The following ERICH6B variants were observed in gnomAD, a reference collection of about 807,000 sequenced individuals.
ERICH6B encodes glutamate rich 6B, also known as glutamate-rich protein 6B.
In ERICH6B, 69 loss-of-function variants were observed where a neutral mutation model predicts 80.0. The ratio of observed to expected loss-of-function variants is 0.86; its 90% CI spans 0.71 to 1.05. The LOEUF is 1.05. ERICH6B is among the 50% of genes least tolerant of loss of function. The pLI, the probability that ERICH6B is intolerant of heterozygous loss-of-function variation, is 0.00. For missense variants in ERICH6B, 754 were observed against 796.1 expected (o/e 0.95, Z 0.64); for synonymous variants, 283 against 291.9 (o/e 0.97, Z 0.31).
At chr13:45,608,207 C>A (rs1949880546) in intron 1 of ERICH6B, among the ~76,000 whole-genome samples, 1 of 152,112 alleles carries the variant, frequency 6.6e-6, no homozygotes, top group Non-Finnish European at 1.5e-5. Context: ...ATATTTTCCT[C>A]CAAAATACTG....
chr13:45,541,431 G>A lies in ERICH6B; in HGVS notation c.*31C>T, dbSNP rs965604241. 2.6e-6 allele frequency: 4 copies of A among 1,539,520 alleles called. No homozygotes were observed. Among genetic ancestry groups the A allele is most frequent in the Non-Finnish European group, 2.6e-6 (3 of 1,136,616 alleles). ...GCTCCCAAGGTCTCCAACTTCCTAA[G>A]GCATTTGGTGGATGCCAGATAAGCC... On this transcript the variant is annotated 3_prime_UTR_variant, in exon 15 of 15. Transcript: ENST00000298738.
At chr13:45,584,474 A>T (rs998527770) in intron 5 of ERICH6B, among the ~76,000 whole-genome samples, 12 of 152,212 alleles carry the variant, frequency 7.9e-5, no homozygotes, top group African/African-American at 2.9e-4. Context: ...GAACAATTCC[A>T]TAATAAAATC....
At chr13:45,587,864 G>A (rs1038366871) in intron 4 of ERICH6B, among the ~76,000 whole-genome samples, 8 of 152,152 alleles carry the variant, frequency 5.3e-5, no homozygotes, top group Non-Finnish European at 1.2e-4. Context: ...TGAATGAGAG[G>A]GGTCCTTGGG....
chr13:45,600,133 G>GC (rs1443384973), intron 2 of ERICH6B, among the ~76,000 whole-genome samples: 1 of 152,066 alleles, frequency 6.6e-6, no homozygotes, highest in African/African-American at 2.4e-5. Flanking sequence ...TGTAAAGGAG[G>GC]CCCCTTCAGC....
chr13:45,573,621 G>C (rs1378776940), intron 8 of ERICH6B, among the ~76,000 whole-genome samples: 2 of 152,194 alleles, frequency 1.3e-5, no homozygotes, highest in African/African-American at 2.4e-5. Context: ...TAGTAGCAAA[G>C]TCCTGGAATG....
At chr13:45,546,288 C>T (rs1196880385) in intron 13 of ERICH6B, among the ~76,000 whole-genome samples, 2 of 152,130 alleles carry the variant, frequency 1.3e-5, no homozygotes, top group Non-Finnish European at 2.9e-5. Context: ...AAGGGCAGTT[C>T]CTAGAATCAG....
chr13:45,563,740 C>T lies in ERICH6B; in HGVS notation c.1236G>A (p.Lys412=). The T allele has an allele frequency of 6.4e-7, 1 of 1,552,318 alleles. No individual in the cohort carries two copies. The highest frequency in any genetic ancestry group is 2.0e-5 in the Admixed American group (1 of 51,018). The change falls in exon 10 of 15, where the codon AAG becomes AAA. Residue 412 remains lysine (K), a synonymous_variant. Coordinates refer to ENST00000298738, the MANE Select transcript of ERICH6B (RefSeq NM_182542.3). ...EKFKETILRI[K]RRREAQKLTE... is the part of the protein sequence containing the mutation. ...AGTGGTGCCTACCTTCACGTCTCCT[C>T]TTAATCCGTAAGATTGTTTCCTTGA...
intron 8 of ERICH6B, 44 bp from the exon 9 acceptor site, chr13:45,568,495 A>T: frequency 6.9e-7 from 1 of 1,449,670 alleles, no homozygotes; most frequent in Non-Finnish European, 9.1e-7. Flanking sequence ...AATGGAAATT[A>T]ATGATTTGTT....
intron 13 of ERICH6B, among the ~76,000 whole-genome samples, chr13:45,549,091 C>G (rs1483498464): frequency 6.6e-6 from 1 of 152,098 alleles, no homozygotes; most frequent in Non-Finnish European, 1.5e-5. Flanking sequence ...CGAGATCAAC[C>G]TGGCCAACAT....
chr13:45,574,811 G>A (rs181916175), intron 8 of ERICH6B, 31 bp downstream of exon 8: 35 of 1,487,456 alleles, frequency 2.4e-5, no homozygotes, highest in Middle Eastern at 1.7e-4. Context: ...AGGAAGCTGG[G>A]GGGGGGGTCT....
intron 11 of ERICH6B, chr13:45,552,981 G>T: frequency 5.6e-6 from 1 of 179,294 alleles, no homozygotes. Context: ...ATTTCCGTAA[G>T]CAATGTTCTG....
At chr13:45,594,104 G>A (rs992233766) in intron 3 of ERICH6B, among the ~76,000 whole-genome samples, 3 of 152,060 alleles carry the variant, frequency 2.0e-5, no homozygotes, top group Non-Finnish European at 2.9e-5. Flanking sequence ...ATATCTTAAG[G>A]GTATTAGGAG....
intron 13 of ERICH6B, among the ~76,000 whole-genome samples, chr13:45,546,977 T>C (rs1003295796): frequency 6.6e-6 from 1 of 152,166 alleles, no homozygotes; most frequent in African/African-American, 2.4e-5. Context: ...CCTCCTTCTC[T>C]AAGTAAGAGG....
In ERICH6B at chr13:45,561,468, A is replaced by G; in HGVS notation, c.1308T>C (p.Pro436=). 6.4e-7 allele frequency: 1 copy of G among 1,552,042 alleles called. No individual in the cohort carries two copies. Among genetic ancestry groups the G allele is most frequent in the South Asian group, 1.2e-5 (1 of 84,064 alleles). ...GGATTTCTTCTGTCTCAGGCTTCTC[A>G]GGTGTTGGTTTGCTCATTAAATGAA... ...FTFHLMSKPT[P]EKPETEEIQK... Residue 436 remains proline (P), a synonymous_variant, in exon 11 of 15, where the codon CCT becomes CCC. Coordinates refer to ENST00000298738, the MANE Select transcript of ERICH6B (RefSeq NM_182542.3).
intron 5 of ERICH6B, among the ~76,000 whole-genome samples, chr13:45,582,350 T>C (rs781059721): frequency 1.5e-4 from 23 of 152,358 alleles, no homozygotes; most frequent in Admixed American, 9.8e-4. Flanking sequence ...ACATCAATTA[T>C]ACTGTTGAAT....
Position 45,544,890 on chromosome 13 carries a change from G to A in ERICH6B, c.1742C>T (p.Pro581Leu). 1 of 1,551,728 alleles carries A rather than the reference G, an allele frequency of 6.4e-7. No individual in the cohort carries two copies. The change falls in exon 14 of 15, where the codon CCC becomes CTC. Residue 581 changes from proline (P) to leucine (L), a missense_variant. Physicochemically the swap from Pro to Leu is moderately conservative, Grantham distance 98. Coordinates refer to ENST00000298738, the MANE Select transcript of ERICH6B (RefSeq NM_182542.3). ...TTTCAAGGAGATGGGCTGGACAGGG[G>A]GTGCGTGGACATGGATGTTCAGATT... ...WWNLNIHVHA[P>L]PVQPISLKIN...
At chr13:45,614,737 G>A (rs758817686) in intron 1 of ERICH6B, among the ~76,000 whole-genome samples, 6 of 152,236 alleles carry the variant, frequency 3.9e-5, no homozygotes, top group African/African-American at 7.2e-5. Flanking sequence ...CTCTGCAAAC[G>A]TAATGTGTTC....
chr13:45,563,056 G>A (rs572271573), intron 10 of ERICH6B, among the ~76,000 whole-genome samples: 1 of 152,328 alleles, frequency 6.6e-6, no homozygotes, highest in African/African-American at 2.4e-5. Flanking sequence ...AATGAAGATA[G>A]CTTAGTCCCT....
chr13:45,583,453 C>T (rs1875757324), intron 5 of ERICH6B, among the ~76,000 whole-genome samples: 1 of 152,180 alleles, frequency 6.6e-6, no homozygotes. Context: ...GCATCCTCAT[C>T]TTTTTAACCT....
Sources: allele counts gnomAD v4.1 joint callset (sites outside exome capture counted in the v4.1 genomes callset), GRCh38; gene constraint gnomAD v4.1.1; transcripts MANE v1.5; gene names NCBI Gene and HGNC (gene_info 2026-07-23, HGNC 2026-07-21).